The following STXBP3 variants were observed in gnomAD, a reference collection of about 807,000 sequenced individuals.
STXBP3 encodes syntaxin-binding protein 3.
A neutral mutation model predicts 85.7 loss-of-function variants in STXBP3; 41 were observed. That is an observed-to-expected ratio of 0.48 (90% CI 0.37 to 0.62). The LOEUF is 0.62. Among genes scored for constraint, STXBP3 ranks in the 20% least tolerant of loss-of-function variants. The pLI, the probability that STXBP3 is intolerant of heterozygous loss-of-function variation, is 0.00. For synonymous variants in STXBP3, 229 were observed against 231.7 expected (o/e 0.99, Z 0.10); for missense variants, 563 against 703.1 (o/e 0.80, Z 2.25).
intron 12 of STXBP3, 25 bp from the exon 13 acceptor site, chr1:108,794,799 TAAA>T (rs752326629): frequency 6.8e-5 from 108 of 1,593,188 alleles, no homozygotes; most frequent in Non-Finnish European, 9.2e-5. Flanking sequence ...TAAAATCCTT[TAAA>T]TGATTGATTT....
At position 108,776,429 on chromosome 1, in the gene STXBP3, G is replaced by A. The variant is rs1662596194; in HGVS notation, c.684+6G>A. ...ATGAAAAGAGCCTAATAAAGGTAAT[G>A]TATGCAAGGCAAGTAATGACTATGC... is the stretch of plus-strand genomic sequence containing the variant. On this transcript the variant is annotated splice_donor_region_variant and intron_variant, in intron 8 of 18. Transcript: ENST00000370008. The A allele has an allele frequency of 1.3e-6, 2 of 1,591,310 alleles. No individual in the cohort carries two copies. The highest frequency in any genetic ancestry group is 1.1e-5 in the South Asian group (1 of 88,842).
chr1:108,760,095 A>G lies in STXBP3; in HGVS notation c.438+10A>G. ...TCCACATGAATCTCAGGTACTTTCT[A>G]TTTTTATTTTTTAGTTCATGAGAGG... is the stretch of plus-strand genomic sequence containing the variant. On this transcript the variant is annotated intron_variant, in intron 6 of 18. Coordinates refer to ENST00000370008, the MANE Select transcript of STXBP3 (RefSeq NM_007269.4). The G allele has an allele frequency of 1.3e-6, 2 of 1,505,284 alleles. No individual in the cohort carries two copies. The highest frequency in any genetic ancestry group is 2.6e-5 in the South Asian group (2 of 77,146). 93.2% of individuals were successfully genotyped at this position (1,505,284 alleles called of 1,614,324 possible).
At chr1:108,794,723 C>T in intron 12 of STXBP3, 104 bp from the exon 13 acceptor site, 1 of 908,364 alleles carries the variant, frequency 1.1e-6, no homozygotes, top group South Asian at 1.5e-5. Flanking sequence ...CCTTCTTTCA[C>T]CTCAGCCCAT....
chr1:108,748,547 T>G (rs1384307351), intron 1 of STXBP3, among the ~76,000 whole-genome samples: 1 of 150,998 alleles, frequency 6.6e-6, no homozygotes, highest in Admixed American at 6.6e-5. Context: ...ATAGCTAGCG[T>G]AAGCCCGGGC....
intron 9 of STXBP3, chr1:108,779,867 G>C (rs1241728182): frequency 6.6e-6 from 1 of 152,162 alleles, no homozygotes; most frequent in Non-Finnish European, 1.5e-5. Context: ...GAGGACAACA[G>C]GCATAGTTTT....
intron 9 of STXBP3, 104 bp downstream of exon 9, chr1:108,779,514 C>G: frequency 9.1e-6 from 11 of 1,207,232 alleles, no homozygotes; most frequent in Non-Finnish European, 1.1e-5. Context: ...CCCCTATAAC[C>G]TTTTCTATTC....
intron 3 of STXBP3, among the ~76,000 whole-genome samples, chr1:108,755,182 A>G (rs1028179394): frequency 6.6e-6 from 1 of 152,170 alleles, no homozygotes; most frequent in Non-Finnish European, 1.5e-5. Context: ...ACAATGACTC[A>G]TGCCTGTAAT....
rs1347538265 is a variant in STXBP3 at position 108,808,846 on chromosome 1, A to G, written c.1748A>G (p.Lys583Arg). The G allele has an allele frequency of 8.1e-6, 13 of 1,612,848 alleles. No individual in the cohort carries two copies. Among genetic ancestry groups the G allele is most frequent in the Non-Finnish European group, 1.1e-5 (13 of 1,179,502 alleles). Residue 583 changes from lysine (K) to arginine (R), a missense_variant, in exon 19 of 19, where the codon AAG (lysine) becomes AGG (arginine). By Grantham distance (26) the Lys-to-Arg change is conservative. This residue lies in a region of STXBP3 where 494 missense variants were observed against 592.8 expected (regional missense o/e 0.83). Coordinates refer to ENST00000370008, the MANE Select transcript of STXBP3 (RefSeq NM_007269.4). Reference sequence around the variant, plus strand: ...GATATAAAGATGCTGAATAAACCCAAGGATAAAGTCTCCTTAATTAAAGAT... The same window carrying G: ...GATATAAAGATGCTGAATAAACCCAGGGATAAAGTCTCCTTAATTAAAGAT... ...LDDIKMLNKPKDKVSLIKDE is the reference protein window; with the variant it reads ...LDDIKMLNKPRDKVSLIKDE
Position 108,798,636 on chromosome 1 carries a change from G to A in STXBP3, c.1449+399G>A, listed in dbSNP as rs1038662867. 2.6e-5 allele frequency among the ~76,000 whole-genome samples: 4 copies of A among 151,944 alleles called. No individual in the cohort carries two copies. The East Asian group carries it at 5.8e-4, about 22-fold the overall frequency. On this transcript the variant is annotated intron_variant, in intron 16 of 18. Coordinates refer to ENST00000370008, the MANE Select transcript of STXBP3 (RefSeq NM_007269.4). ...TCACTATGTTGGCCAGGCTGGTCTCGAACTCCTGACCTCATGATCCACCCA... is the reference window on the plus strand; with the variant it reads ...TCACTATGTTGGCCAGGCTGGTCTCAAACTCCTGACCTCATGATCCACCCA...
intron 3 of STXBP3, 96 bp from the exon 4 acceptor site, chr1:108,756,594 A>G (rs1230638090): frequency 1.6e-6 from 1 of 606,952 alleles, no homozygotes; most frequent in East Asian, 3.6e-5. Context: ...ATGTATTTTC[A>G]TATTATTATA....
intron 11 of STXBP3, among the ~76,000 whole-genome samples, chr1:108,792,441 A>G (rs558452454): frequency 3.0e-4 from 45 of 152,330 alleles, no homozygotes; most frequent in Admixed American, 2.6e-3. Flanking sequence ...ACGTGCATAC[A>G]GTGTGTAATG....
At chr1:108,799,752 A>G (rs1467948360) in intron 16 of STXBP3, among the ~76,000 whole-genome samples, 2 of 152,226 alleles carry the variant, frequency 1.3e-5, no homozygotes, top group Non-Finnish European at 2.9e-5. Context: ...ATTTATATAC[A>G]TACATATATC....
chr1:108,798,705 C>T (rs977938468), intron 16 of STXBP3, among the ~76,000 whole-genome samples: 1 of 152,032 alleles, frequency 6.6e-6, no homozygotes. Flanking sequence ...TGAGCCACTG[C>T]GCCCGGCTGA....
intron 6 of STXBP3, among the ~76,000 whole-genome samples, chr1:108,768,998 A>T (rs557029681): frequency 1.1e-3 from 172 of 152,272 alleles, no homozygotes; most frequent in African/African-American, 4.0e-3. Flanking sequence ...CAGTTGAAAA[A>T]TTTGTGTATA....
At chr1:108,758,426 TA>T in intron 4 of STXBP3, 83 bp from the exon 5 acceptor site, 1 of 688,858 alleles carries the variant, frequency 1.5e-6, no homozygotes, top group Non-Finnish European at 2.2e-6. Flanking sequence ...GTCACTGAAA[TA>T]AAATAATCTT....
chr1:108,785,746 A>G (rs1662813143), intron 11 of STXBP3, among the ~76,000 whole-genome samples: 1 of 152,132 alleles, frequency 6.6e-6, no homozygotes, highest in Non-Finnish European at 1.5e-5. Context: ...CTGCCAGATA[A>G]CCCTAAATCA....
intron 15 of STXBP3, 112 bp from the exon 16 acceptor site, chr1:108,798,033 C>A: frequency 1.1e-6 from 1 of 897,494 alleles, no homozygotes; most frequent in Non-Finnish European, 1.7e-6. Flanking sequence ...AGTTTTAAGT[C>A]AAATACAATA....
chr1:108,784,039 T>C (rs1557810703), intron 11 of STXBP3, among the ~76,000 whole-genome samples: 1 of 152,348 alleles, frequency 6.6e-6, no homozygotes, highest in South Asian at 2.1e-4. Context: ...GTCCTATACA[T>C]GTATTTATGT....
intron 6 of STXBP3, among the ~76,000 whole-genome samples, chr1:108,771,397 G>GAT (rs1306060551): frequency 3.8e-5 from 3 of 78,886 alleles, no homozygotes; most frequent in Non-Finnish European, 7.8e-5. Context: ...AAATATATAT[G>GAT]ATATATATCT....
Sources: gnomAD v4.1 joint callset for allele counts (sites outside exome capture counted in the v4.1 genomes callset) on GRCh38, gnomAD v4.1.1 for gene constraint, gnomAD v4.1.1 regional missense constraint, MANE v1.5 for transcripts, NCBI Gene and HGNC (gene_info 2026-07-23, HGNC 2026-07-21) for gene names.